Variants in IL12RB1 observed in about 807,000 individuals in gnomAD.
IL12RB1 encodes interleukin-12 receptor subunit beta-1.
IL12RB1 carries 64 observed loss-of-function variants against 94.4 expected under a neutral mutation model. That is an observed-to-expected ratio of 0.68 (90% CI 0.55 to 0.83). The LOEUF (loss-of-function observed/expected upper bound fraction) is 0.83. Ranked by LOEUF, IL12RB1 falls within the 40% of genes least tolerant of loss-of-function variation. IL12RB1 has a pLI of 0.00. For missense variants in IL12RB1, 814 were observed against 855.6 expected (o/e 0.95, Z 0.61); for synonymous variants, 362 against 355.5 (o/e 1.02, Z -0.21).
In IL12RB1 at chr19:18,069,733, A is replaced by G. The variant is rs1357446056; in HGVS notation, c.1022-20T>C. On this transcript the variant is annotated intron_variant, in intron 9 of 16. Transcript: ENST00000593993. Reference sequence around the variant, plus strand: ...CTGGTTCTGGAAGGAGAGGGGAGAGACGCATCGAGACAGTTGCCATCTCTC... The same window carrying G: ...CTGGTTCTGGAAGGAGAGGGGAGAGGCGCATCGAGACAGTTGCCATCTCTC... The G allele has an allele frequency of 6.3e-7, 1 of 1,582,856 alleles. No individual in the cohort carries two copies. Among genetic ancestry groups the G allele is most frequent in the Admixed American group, 1.7e-5 (1 of 59,958 alleles).
rs772526684 is a variant in IL12RB1, at chr19:18,072,299, C to T, written c.834G>A (p.Thr278=). 16 of 1,613,906 alleles carry T rather than the reference C, an allele frequency of 9.9e-6. No homozygotes were observed. The highest frequency in any genetic ancestry group is 4.5e-5 in the East Asian group (2 of 44,876). The change falls in exon 9 of 17, where the codon ACG becomes ACA. Residue 278 remains threonine, a synonymous_variant. Coordinates refer to ENST00000593993, the MANE Select transcript of IL12RB1 (RefSeq NM_005535.3). ...GGAGCTGTAGTCGGTAAGTGACCTC[C>T]GTGCCAGGCGCCAGCCCTTGACAGC... ...PEGCQGLAPG[T]EVTYRLQLHM... is the part of the protein sequence containing the mutation.
chr19:18,091,150 T>C (rs965127022), upstream of IL12RB1, among the ~76,000 whole-genome samples: 4 of 151,922 alleles, frequency 2.6e-5, no homozygotes, highest in African/African-American at 9.7e-5. Flanking sequence ...TGAAGTGGTA[T>C]TTCTCCCCTT....
At chr19:18,078,517 G>T (rs980518504) in intron 4 of IL12RB1, among the ~76,000 whole-genome samples, 11 of 151,822 alleles carry the variant, frequency 7.2e-5, no homozygotes, top group Non-Finnish European at 1.6e-4. Context: ...CCCATTGCTG[G>T]CAAGGCTGTG....
At chr19:18,091,293 C>T (rs548573211), upstream of IL12RB1, among the ~76,000 whole-genome samples, 155 of 152,340 alleles carry the variant, frequency 1.0e-3, no homozygotes, top group African/African-American at 3.6e-3. Context: ...CTTATGGCCC[C>T]ACCCAGCTGC....
chr19:18,061,687 C>T (rs764660178), intron 14 of IL12RB1, among the ~76,000 whole-genome samples: 3 of 151,890 alleles, frequency 2.0e-5, no homozygotes, highest in African/African-American at 4.8e-5. Context: ...ATGGTGAAAC[C>T]CTATCTCTAC....
rs1568526766 is a variant in IL12RB1 at position 18,086,921 on chromosome 19, AAGG to A, written c.-101_-99del. On this transcript the variant is annotated 5_prime_UTR_variant, in exon 1 of 17. Coordinates refer to ENST00000593993, the MANE Select transcript of IL12RB1 (RefSeq NM_005535.3). ...ACTCCGGAACACATTGAAGCTGAGC[AAGG>A]AGAAAAGACTGAAAAAAAAGAAAAA... 4 of 1,560,524 alleles carry A rather than the reference AAGG, an allele frequency of 2.6e-6. No individual in the cohort carries two copies. Among genetic ancestry groups the A allele is most frequent in the Non-Finnish European group, 3.5e-6 (4 of 1,151,706 alleles).
At chr19:18,083,166 C>A in intron 2 of IL12RB1, 1 of 588,986 alleles carries the variant, frequency 1.7e-6, no homozygotes, top group Admixed American at 2.9e-5. Context: ...TACTTTCTCC[C>A]ATGTACCGAC....
At chr19:18,064,090 T>G (rs1599455351) in intron 12 of IL12RB1, 80 bp from the exon 13 acceptor site, 1 of 916,402 alleles carries the variant, frequency 1.1e-6, no homozygotes, top group South Asian at 1.4e-5. Context: ...AGCCTGTGGG[T>G]GGGGTGGGGA....
At chr19:18,093,221 G>A (rs1216051686) in intron 1 of IL12RB1, among the ~76,000 whole-genome samples, 1 of 151,928 alleles carries the variant, frequency 6.6e-6, no homozygotes, top group African/African-American at 2.4e-5. Context: ...CAGGAGAATT[G>A]CTTGAATCCA....
chr19:18,073,230 A>G, intron 8 of IL12RB1, among the ~76,000 whole-genome samples: 1 of 151,386 alleles, frequency 6.6e-6, no homozygotes, highest in East Asian at 1.9e-4. Context: ...AGTCACCATT[A>G]TCTCCTTCCT....
At chr19:18,083,784 T>TAATC (rs2036092817) in intron 1 of IL12RB1, among the ~76,000 whole-genome samples, 1 of 118,420 alleles carries the variant, frequency 8.4e-6, no homozygotes, top group African/African-American at 3.7e-5. Flanking sequence ...ATCCATGTAT[T>TAATC]CATCCATCAT....
chr19:18,088,404 T>TATATATATATATATATATATAAATATAA, upstream of IL12RB1, among the ~76,000 whole-genome samples: 1 of 137,736 alleles, frequency 7.3e-6, no homozygotes, highest in Non-Finnish European at 1.5e-5. Flanking sequence ...TATATATATA[T>TATATATATATATATATATATAAATATAA]AAATTAAAAG....
intron 1 of IL12RB1, among the ~76,000 whole-genome samples, chr19:18,095,037 G>T (rs2036824936): frequency 6.6e-6 from 1 of 151,944 alleles, no homozygotes; most frequent in African/African-American, 2.4e-5. Flanking sequence ...AAATTAGCTG[G>T]GAGTGGTGGC....
chr19:18,083,425 C>G lies in IL12RB1; in HGVS notation c.124+7G>C. On this transcript the variant is annotated splice_region_variant and intron_variant, in intron 2 of 16. Coordinates refer to ENST00000593993, the MANE Select transcript of IL12RB1 (RefSeq NM_005535.3). The stretch of plus-strand genomic sequence containing the variant: ...TCCTCAGCCAACAATGAGGAACTGC[C>G]CCGAACCTGAGTCTGCATCCGGATA... 1 of 1,613,926 alleles carries G rather than the reference C, an allele frequency of 6.2e-7. No individual in the cohort carries two copies. Among genetic ancestry groups the G allele is most frequent in the Non-Finnish European group, 8.5e-7 (1 of 1,179,874 alleles).
chr19:18,085,623 T>A (rs1358797021), intron 1 of IL12RB1, among the ~76,000 whole-genome samples: 2 of 151,932 alleles, frequency 1.3e-5, no homozygotes, highest in Non-Finnish European at 2.9e-5. Context: ...ATTATTATTA[T>A]TATTGAGATA....
In IL12RB1 at chr19:18,069,455, G is replaced by A. The variant is rs2305741; in HGVS notation, c.1189+91C>T. 232,213 of 1,237,084 alleles carry A rather than the reference G, an allele frequency of 0.19. 23,529 individuals carry two copies. Among genetic ancestry groups the A allele is most frequent in the Non-Finnish European group, 0.21 (187,176 of 897,954 alleles). The allele number at this position is 1,237,084 out of a possible 1,614,324, so 76.6% of individuals were successfully genotyped here. On this transcript the variant is annotated intron_variant, in intron 10 of 16. Transcript: ENST00000593993. ...ACACCTCTCTGGGCCTTAGACACCC[G>A]CTGTGTGCCTTCCCTGCAGGTTTGA... is the stretch of plus-strand genomic sequence containing the variant.
At chr19:18,071,015 T>C (rs577671884) in intron 9 of IL12RB1, 1 of 195,384 alleles carries the variant, frequency 5.1e-6, no homozygotes, top group South Asian at 7.4e-5. Context: ...GGTGGGTGGA[T>C]CACCTGAGGG....
rs2034595902 is a variant in IL12RB1, at chr19:18,066,543, T to C, written c.1482A>G (p.Ser494=). ...RCRDEDSKQV[S]EHPVQPTETQ... ...CCAGGTCTGCACTGCCTCACGTACC[T>C]GACACCTGTTTGCTGTCTTCATCTC... is the stretch of plus-strand genomic sequence containing the variant. Residue 494 remains serine, a splice_region_variant and synonymous_variant, in exon 12 of 17, where the codon TCA becomes TCG. Transcript: ENST00000593993. The C allele has an allele frequency of 1.2e-6, 2 of 1,611,124 alleles. No individual in the cohort carries two copies. The highest frequency in any genetic ancestry group is 8.5e-7 in the Non-Finnish European group (1 of 1,177,558).
Position 18,066,354 on chromosome 19 carries a change from G to A in IL12RB1, c.1483+188C>T, listed in dbSNP as rs1021907600. Among the ~76,000 whole-genome samples, 11 of 152,146 alleles carry A rather than the reference G, an allele frequency of 7.2e-5. No homozygotes were observed. The highest frequency in any genetic ancestry group is 1.5e-4 in the Non-Finnish European group (10 of 68,000). On this transcript the variant is annotated intron_variant, in intron 12 of 16. Coordinates refer to ENST00000593993, the MANE Select transcript of IL12RB1 (RefSeq NM_005535.3). ...ACTCCTGACCTCAGGTGATCCGCCC[G>A]CCTTGGCCTCCCAAAGTGCTGGGAT...
Sources: allele counts gnomAD v4.1 joint callset (sites outside exome capture counted in the v4.1 genomes callset), GRCh38; gene constraint gnomAD v4.1.1; transcripts MANE v1.5; gene names NCBI Gene and HGNC (gene_info 2026-07-23, HGNC 2026-07-21).